Variants in ADGRB3 observed in about 807,000 individuals in gnomAD.
ADGRB3 encodes adhesion G protein-coupled receptor B3.
In ADGRB3, 37 loss-of-function variants were observed where a neutral mutation model predicts 193.4. The ratio of observed to expected loss-of-function variants is 0.19; its 90% CI spans 0.15 to 0.25. The LOEUF (loss-of-function observed/expected upper bound fraction) is 0.25, where lower values mean the gene tolerates loss of function less well. Among genes scored for constraint, ADGRB3 ranks in the 10% least tolerant of loss-of-function variants. The probability of loss-of-function intolerance (pLI) is 1.00; values close to 1 mark genes in which losing one functional copy is unlikely to be tolerated. For missense variants in ADGRB3, 1,637 were observed against 1,852.9 expected (o/e 0.88, Z 2.14); for synonymous variants, 690 against 644.2 (o/e 1.07, Z -1.08).
At chr6:68,759,770 T>G (rs966664656) in intron 3 of ADGRB3, among the ~76,000 whole-genome samples, 1 of 152,060 alleles carries the variant, frequency 6.6e-6, no homozygotes, top group African/African-American at 2.4e-5. Context: ...AAAATGAAAT[T>G]TCTTTCAAAA....
intron 20 of ADGRB3, among the ~76,000 whole-genome samples, chr6:69,252,671 T>C (rs908400588): frequency 6.6e-6 from 1 of 152,100 alleles, no homozygotes; most frequent in Non-Finnish European, 1.5e-5. Flanking sequence ...TCTGTTCAAG[T>C]CATTTCTCTC....
chr6:69,299,298 C>T (rs922884014), intron 20 of ADGRB3, among the ~76,000 whole-genome samples: 1 of 151,236 alleles, frequency 6.6e-6, no homozygotes, highest in African/African-American at 2.4e-5. Flanking sequence ...TGTTTGAGTT[C>T]CTTATACATT....
intron 3 of ADGRB3, among the ~76,000 whole-genome samples, chr6:68,693,874 A>G (rs1220413244): frequency 6.6e-6 from 1 of 152,008 alleles, no homozygotes; most frequent in Non-Finnish European, 1.5e-5. Flanking sequence ...AGAACCTTCC[A>G]TATTATTCTA....
intron 17 of ADGRB3, among the ~76,000 whole-genome samples, chr6:69,147,534 T>C (rs1410930276): frequency 6.6e-6 from 1 of 152,210 alleles, no homozygotes; most frequent in East Asian, 1.9e-4. Flanking sequence ...TTTTTTTTAA[T>C]GTTCCAACAC....
intron 3 of ADGRB3, among the ~76,000 whole-genome samples, chr6:68,785,969 C>T (rs1303529853): frequency 6.6e-6 from 1 of 152,066 alleles, no homozygotes; most frequent in Non-Finnish European, 1.5e-5. Context: ...TGAGAAGTGT[C>T]TGTTCATATC....
intron 11 of ADGRB3, among the ~76,000 whole-genome samples, chr6:69,013,428 A>C (rs1769996012): frequency 6.6e-6 from 1 of 152,140 alleles, no homozygotes; most frequent in Non-Finnish European, 1.5e-5. Context: ...CTTGCTGGCA[A>C]AAGGCAGAGG....
At chr6:69,133,147 T>A (rs1356590885) in intron 17 of ADGRB3, among the ~76,000 whole-genome samples, 1 of 152,178 alleles carries the variant, frequency 6.6e-6, no homozygotes. Context: ...AAGTAGTTTT[T>A]CTAATTCTGT....
intron 20 of ADGRB3, among the ~76,000 whole-genome samples, chr6:69,250,272 G>A (rs537118437): frequency 1.3e-5 from 2 of 152,210 alleles, no homozygotes; most frequent in African/African-American, 4.8e-5. Flanking sequence ...ATAGAAAGAT[G>A]TGTATTGCTT....
At chr6:68,921,060 G>C (rs1157442472) in intron 3 of ADGRB3, among the ~76,000 whole-genome samples, 1 of 151,922 alleles carries the variant, frequency 6.6e-6, no homozygotes, top group African/African-American at 2.4e-5. Flanking sequence ...AGTAGCAATG[G>C]CAATTCCTAT....
At chr6:68,930,984 A>G (rs980889788) in intron 4 of ADGRB3, among the ~76,000 whole-genome samples, 1 of 152,060 alleles carries the variant, frequency 6.6e-6, no homozygotes, top group African/African-American at 2.4e-5. Context: ...TCAATAATTG[A>G]TTGACATAAG....
intron 17 of ADGRB3, among the ~76,000 whole-genome samples, chr6:69,126,924 C>T (rs1274198115): frequency 6.6e-6 from 1 of 152,098 alleles, no homozygotes; most frequent in Admixed American, 6.5e-5. Context: ...CAGTCCAGAC[C>T]CTCTTCTTCC....
At chr6:69,074,057 T>G (rs931651421) in intron 16 of ADGRB3, among the ~76,000 whole-genome samples, 21 of 152,164 alleles carry the variant, frequency 1.4e-4, no homozygotes, top group Admixed American at 1.2e-3. Flanking sequence ...AATTTATGAC[T>G]AAATTTCCAT....
intron 3 of ADGRB3, among the ~76,000 whole-genome samples, chr6:68,912,910 TCCTCCA>T (rs1408041511): frequency 6.6e-6 from 1 of 152,054 alleles, no homozygotes; most frequent in Non-Finnish European, 1.5e-5. Context: ...GGAGATTATA[TCCTCCA>T]CCTGGCTCGG....
chr6:69,316,352 G>A (rs1282028406), intron 20 of ADGRB3, among the ~76,000 whole-genome samples: 1 of 151,234 alleles, frequency 6.6e-6, no homozygotes, highest in East Asian at 1.9e-4. Context: ...ATGGAAAATA[G>A]GAAACATAGA....
intron 21 of ADGRB3, 104 bp from the exon 22 acceptor site, chr6:69,327,716 A>T: frequency 1.2e-6 from 1 of 800,120 alleles, no homozygotes; most frequent in Non-Finnish European, 1.9e-6. Context: ...ATCCAAAGAT[A>T]GTTTATCTAA....
In ADGRB3 at chr6:69,135,949, C is replaced by T. The variant is rs544073580; in HGVS notation, c.2480+59911C>T. Among the ~76,000 whole-genome samples, 5 of 152,180 alleles carry T rather than the reference C, an allele frequency of 3.3e-5. No homozygotes were observed. The South Asian group carries it at 1.0e-3, about 32-fold the overall frequency. On this transcript the variant is annotated intron_variant, in intron 17 of 31. Coordinates refer to ENST00000370598, the MANE Select transcript of ADGRB3 (RefSeq NM_001704.3). ...TGAAATCCAAGGAAATGTACGAAGACATAACTTTGATTTAGCCTTCACCAG... is the reference window on the plus strand; with the variant it reads ...TGAAATCCAAGGAAATGTACGAAGATATAACTTTGATTTAGCCTTCACCAG...
intron 3 of ADGRB3, among the ~76,000 whole-genome samples, chr6:68,773,643 A>T (rs1208854669): frequency 6.6e-6 from 1 of 152,194 alleles, no homozygotes; most frequent in Admixed American, 6.5e-5. Flanking sequence ...CTAAACAGGT[A>T]GTTACAAATA....
chr6:68,858,733 A>C (rs2150213437), intron 3 of ADGRB3, among the ~76,000 whole-genome samples: 1 of 152,240 alleles, frequency 6.6e-6, no homozygotes, highest in East Asian at 1.9e-4. Flanking sequence ...CTGAAGCAAT[A>C]GCCTGAGCTC....
chr6:69,160,238 C>T (rs1774946324), intron 17 of ADGRB3, among the ~76,000 whole-genome samples: 1 of 152,112 alleles, frequency 6.6e-6, no homozygotes, highest in Admixed American at 6.6e-5. Context: ...GTCTTCCCAT[C>T]CCATGCAGAG....
Sources: allele counts gnomAD v4.1 joint callset (sites outside exome capture counted in the v4.1 genomes callset), GRCh38; gene constraint gnomAD v4.1.1; transcripts MANE v1.5; gene names NCBI Gene and HGNC (gene_info 2026-07-23, HGNC 2026-07-21).